PTK2B: variants seen among roughly 807,000 people sequenced by gnomAD.
PTK2B encodes protein-tyrosine kinase 2-beta.
In PTK2B, 71 loss-of-function variants were observed where a neutral mutation model predicts 142.9. The ratio of observed to expected loss-of-function variants is 0.50; its 90% CI spans 0.41 to 0.61. PTK2B has a LOEUF of 0.61. Ranked by LOEUF, PTK2B falls within the 20% of genes least tolerant of loss-of-function variation. PTK2B has a pLI of 0.00. For synonymous variants in PTK2B, 519 were observed against 503.4 expected, an observed-to-expected ratio of 1.03 and a Z score of -0.42; for missense variants, 1,105 against 1,320.4, an observed-to-expected ratio of 0.84 and a Z score of 2.53.
intron 9 of PTK2B, 31 bp from the exon 10 acceptor site, chr8:27,432,228 AT>A: frequency 4.4e-6 from 7 of 1,602,404 alleles, no homozygotes; most frequent in Non-Finnish European, 6.0e-6. Flanking sequence ...TGGTAGTGGG[AT>A]GGTCTGAAGC....
chr8:27,311,696 G>C (rs113237754), exon 1 of PTK2B: 2 of 176,240 alleles, frequency 1.1e-5, no homozygotes, highest in East Asian at 3.1e-4. Flanking sequence ...GTAGTGGCTG[G>C]GTCTTAAAGC....
chr8:27,417,661 G>A (rs544092784), intron 2 of PTK2B, among the ~76,000 whole-genome samples: 1 of 152,324 alleles, frequency 6.6e-6, no homozygotes, highest in African/African-American at 2.4e-5. Flanking sequence ...TATTGATGAA[G>A]CAAGAAGGCA....
At chr8:27,368,308 T>C (rs1303933917) in intron 1 of PTK2B, among the ~76,000 whole-genome samples, 1 of 152,156 alleles carries the variant, frequency 6.6e-6, no homozygotes, top group Admixed American at 6.5e-5. Flanking sequence ...TGAGCCCTCT[T>C]TTTGGCTCCC....
chr8:27,386,171 T>A (rs578190844), intron 1 of PTK2B, among the ~76,000 whole-genome samples: 2 of 152,330 alleles, frequency 1.3e-5, no homozygotes, highest in East Asian at 3.9e-4. Flanking sequence ...CATATTTTTA[T>A]CATAGTTTTT....
chr8:27,331,281 C>G (rs1803734101), intron 1 of PTK2B, among the ~76,000 whole-genome samples: 1 of 152,132 alleles, frequency 6.6e-6, no homozygotes. Context: ...AACCTGCCCC[C>G]CACAAGCCAT....
intron 5 of PTK2B, among the ~76,000 whole-genome samples, chr8:27,422,731 C>T (rs928465535): frequency 1.3e-5 from 2 of 152,180 alleles, no homozygotes; most frequent in South Asian, 2.1e-4. Flanking sequence ...GGGGGACATT[C>T]GAGCCTAGAG....
intron 1 of PTK2B, among the ~76,000 whole-genome samples, chr8:27,381,974 G>C (rs182474650): frequency 2.0e-5 from 3 of 152,264 alleles, no homozygotes; most frequent in Admixed American, 2.0e-4. Flanking sequence ...TTCTGAGACG[G>C]AGTCTCACTC....
chr8:27,397,596 G>A lies in PTK2B; in HGVS notation c.12G>A (p.Val4=). 6.2e-7 allele frequency: 1 copy of A among 1,613,848 alleles called. No individual in the cohort carries two copies. Among genetic ancestry groups the A allele is most frequent in the Non-Finnish European group, 8.5e-7 (1 of 1,180,028 alleles). The change falls in exon 2 of 31, where the codon GTG becomes GTA. Residue 4 remains valine (V), a synonymous_variant. Coordinates refer to ENST00000346049, the MANE Select transcript of PTK2B (RefSeq NM_173176.3). MSG[V]SEPLSRVKLG... ...TGCTGCCTGAGAGGATGTCTGGGGT[G>A]TCCGAGCCCCTGAGTCGAGTAAAGT...
chr8:27,406,608 T>G (rs1808729067), intron 2 of PTK2B, among the ~76,000 whole-genome samples: 1 of 152,124 alleles, frequency 6.6e-6, no homozygotes, highest in Admixed American at 6.5e-5. Flanking sequence ...GCGGGAAATG[T>G]GTAGGGGCCC....
At chr8:27,376,826 A>T (rs1425594881) in intron 1 of PTK2B, among the ~76,000 whole-genome samples, 1 of 152,246 alleles carries the variant, frequency 6.6e-6, no homozygotes, top group East Asian at 1.9e-4. Flanking sequence ...TCAAGAAATA[A>T]CTATAAAAAT....
intron 2 of PTK2B, among the ~76,000 whole-genome samples, chr8:27,413,047 A>T (rs1809165887): frequency 6.6e-6 from 1 of 152,022 alleles, no homozygotes; most frequent in Admixed American, 6.5e-5. Context: ...TGGAAAAAAA[A>T]AAAACAAGGC....
chr8:27,317,761 C>T (rs1803124908), intron 3 of PTK2B, among the ~76,000 whole-genome samples: 1 of 152,204 alleles, frequency 6.6e-6, no homozygotes, highest in African/African-American at 2.4e-5. Flanking sequence ...CTCACATTCC[C>T]TGCTCGGCCC....
chr8:27,350,924 C>G (rs1307656492), intron 1 of PTK2B, among the ~76,000 whole-genome samples: 2 of 133,760 alleles, frequency 1.5e-5, no homozygotes, highest in Non-Finnish European at 3.1e-5. Flanking sequence ...TGCAGTGAGC[C>G]GAGATCACAC....
chr8:27,446,629 T>C (rs1811490191), intron 24 of PTK2B, among the ~76,000 whole-genome samples: 1 of 152,222 alleles, frequency 6.6e-6, no homozygotes, highest in African/African-American at 2.4e-5. Flanking sequence ...AGTGGTCAGT[T>C]GCCACGAACA....
chr8:27,328,151 C>G (rs751327071), intron 1 of PTK2B, among the ~76,000 whole-genome samples: 1 of 152,182 alleles, frequency 6.6e-6, no homozygotes, highest in African/African-American at 2.4e-5. Context: ...TAACACTCTT[C>G]TTGAGGGATG....
At chr8:27,411,580 TG>T (rs1809067209) in intron 2 of PTK2B, among the ~76,000 whole-genome samples, 1 of 152,192 alleles carries the variant, frequency 6.6e-6, no homozygotes, top group South Asian at 2.1e-4. Context: ...GAGGGGACTG[TG>T]GCTCAGGGAG....
intron 1 of PTK2B, among the ~76,000 whole-genome samples, chr8:27,392,606 A>G (rs1042729650): frequency 6.6e-6 from 1 of 152,180 alleles, no homozygotes; most frequent in African/African-American, 2.4e-5. Flanking sequence ...CAGTCAGAAA[A>G]TGAGCTGGGA....
In PTK2B at chr8:27,442,954, C is replaced by T; in HGVS notation, c.2119C>T (p.Pro707Ser). 1.2e-6 allele frequency: 2 copies of T among 1,614,094 alleles called. No individual in the cohort carries two copies. Among genetic ancestry groups the T allele is most frequent in the African/African-American group, 1.3e-5 (1 of 75,054 alleles). Residue 707 changes from proline (P) to serine (S), a missense_variant, in exon 22 of 31, where the codon CCC (proline) becomes TCC (serine). Transcript: ENST00000346049. Reference sequence around the variant, plus strand: ...CTACCGAACCCCCAAAATCTTGGAGCCCACAGCCTTCCAGGAACCCCCACC... The same window carrying T: ...CTACCGAACCCCCAAAATCTTGGAGTCCACAGCCTTCCAGGAACCCCCACC... ...ARYRTPKILE[P>S]TAFQEPPPKP... is the part of the protein sequence containing the mutation.
chr8:27,360,337 C>G (rs1219600107), intron 1 of PTK2B, among the ~76,000 whole-genome samples: 1 of 152,240 alleles, frequency 6.6e-6, no homozygotes, highest in African/African-American at 2.4e-5. Context: ...GGAATCCATG[C>G]GCGATGCCGG....
Sources: gnomAD v4.1 joint callset for allele counts (sites outside exome capture counted in the v4.1 genomes callset) on GRCh38, gnomAD v4.1.1 for gene constraint, MANE v1.5 for transcripts, NCBI Gene and HGNC (gene_info 2026-07-23, HGNC 2026-07-21) for gene names.